The following PIK3C2B variants were observed in gnomAD, a reference collection of about 807,000 sequenced individuals.
PIK3C2B encodes phosphatidylinositol-4-phosphate 3-kinase catalytic subunit type 2 beta, also known as phosphatidylinositol 4-phosphate 3-kinase C2 domain-containing subunit beta.
A neutral mutation model predicts 184.3 loss-of-function variants in PIK3C2B; 83 were observed. That is an observed-to-expected ratio of 0.45 (90% CI 0.38 to 0.54). The LOEUF (loss-of-function observed/expected upper bound fraction) is 0.54. Among genes scored for constraint, PIK3C2B ranks in the 20% least tolerant of loss-of-function variants. The pLI is 0.00. For missense variants in PIK3C2B, 1,736 were observed against 2,113.5 expected, an observed-to-expected ratio of 0.82 and a Z score of 3.50; for synonymous variants, 779 against 837.6, an observed-to-expected ratio of 0.93 and a Z score of 1.21.
At chr1:204,454,599 C>T (rs1654666024) in intron 12 of PIK3C2B, 70 bp downstream of exon 12, 2 of 1,551,906 alleles carry the variant, frequency 1.3e-6, no homozygotes, top group East Asian at 2.2e-5. Context: ...GTTATCTGGC[C>T]CCAGGGATAT....
At chr1:204,465,672 G>A (rs1317619129) in intron 2 of PIK3C2B, among the ~76,000 whole-genome samples, 2 of 152,202 alleles carry the variant, frequency 1.3e-5, no homozygotes, top group East Asian at 1.9e-4. Flanking sequence ...TCCCAGAGGC[G>A]TGACAGGGAG....
intron 11 of PIK3C2B, 89 bp from the exon 12 acceptor site, chr1:204,454,880 C>G: frequency 7.0e-7 from 1 of 1,436,130 alleles, no homozygotes; most frequent in South Asian, 1.3e-5. Context: ...AAATCCATTT[C>G]CCCTGGTAAA....
chr1:204,474,415 G>A (rs1291116073), intron 1 of PIK3C2B, among the ~76,000 whole-genome samples: 1 of 152,060 alleles, frequency 6.6e-6, no homozygotes, highest in Non-Finnish European at 1.5e-5. Context: ...GTAATCTGGT[G>A]TCTGCCCCCC....
At chr1:204,483,419 C>T (rs973016688) in intron 1 of PIK3C2B, among the ~76,000 whole-genome samples, 1 of 151,752 alleles carries the variant, frequency 6.6e-6, no homozygotes, top group African/African-American at 2.4e-5. Context: ...CTTCAGAAGC[C>T]TTCCCTGGTT....
At chr1:204,442,053 G>A (rs1034285890) in intron 20 of PIK3C2B, among the ~76,000 whole-genome samples, 6 of 152,068 alleles carry the variant, frequency 3.9e-5, no homozygotes, top group Non-Finnish European at 8.8e-5. Flanking sequence ...CATCATCAGA[G>A]AAAGACACCT....
At chr1:204,486,177 C>T (rs1324300638) in intron 1 of PIK3C2B, among the ~76,000 whole-genome samples, 3 of 152,128 alleles carry the variant, frequency 2.0e-5, no homozygotes, top group Middle Eastern at 3.4e-3. Context: ...GGGCGGATCA[C>T]CAGAGGTCGG....
chr1:204,457,676 C>G, intron 9 of PIK3C2B, 52 bp downstream of exon 9: 2 of 1,531,206 alleles, frequency 1.3e-6, no homozygotes, highest in Non-Finnish European at 1.8e-6. Context: ...ACTCAGTTAC[C>G]TGACAGTATC....
At chr1:204,452,451 G>T (rs949180756) in intron 12 of PIK3C2B, among the ~76,000 whole-genome samples, 36 of 148,336 alleles carry the variant, frequency 2.4e-4, no homozygotes, top group African/African-American at 8.7e-4. Flanking sequence ...CTAATTTTTT[G>T]TATTTTTTGT....
At chr1:204,450,347 ATGT>A in intron 12 of PIK3C2B, among the ~76,000 whole-genome samples, 1 of 152,280 alleles carries the variant, frequency 6.6e-6, no homozygotes, top group South Asian at 2.1e-4. Context: ...GACACGTCCC[ATGT>A]TGTCAGCCTT....
chr1:204,430,247 T>C (rs1558230395), intron 28 of PIK3C2B, among the ~76,000 whole-genome samples: 1 of 152,138 alleles, frequency 6.6e-6, no homozygotes, highest in African/African-American at 2.4e-5. Flanking sequence ...CATGACTACA[T>C]TTCCAAGGGC....
chr1:204,429,208 A>T (rs1284058594), intron 29 of PIK3C2B, among the ~76,000 whole-genome samples: 1 of 152,220 alleles, frequency 6.6e-6, no homozygotes, highest in Non-Finnish European at 1.5e-5. Flanking sequence ...AGACTGAATG[A>T]CAGGGCAAGA....
At chr1:204,489,738 T>C (rs913871208) in intron 1 of PIK3C2B, 40 of 393,926 alleles carry the variant, frequency 1.0e-4, no homozygotes, top group African/African-American at 7.4e-4. Context: ...TAGGGAGACG[T>C]CAATAGTTGA....
chr1:204,468,412 C>T (rs992650436), intron 2 of PIK3C2B, among the ~76,000 whole-genome samples: 3 of 151,944 alleles, frequency 2.0e-5, no homozygotes, highest in Non-Finnish European at 2.9e-5. Flanking sequence ...GTCTGGCATT[C>T]AGTGGGCACT....
In PIK3C2B at chr1:204,432,346, T is replaced by G; in HGVS notation, c.4009A>C (p.Asn1337His). 1 of 1,614,060 alleles carries G rather than the reference T, an allele frequency of 6.2e-7. No homozygotes were observed. Among genetic ancestry groups the G allele is most frequent in the Non-Finnish European group, 8.5e-7 (1 of 1,180,012 alleles). ...VATKLNFFIH[N>H]LAQMKFTGSD... ...CCCGTGAACTTCATCTGAGCCAGAT[T>G]ATGGATGAAAAAATTGAGCTTTGTG... Residue 1337 changes from asparagine (N) to histidine (H), a missense_variant, in exon 27 of 33, where the codon AAT becomes CAT. Physicochemically the swap from Asn to His is moderately conservative, Grantham distance 68. Coordinates refer to ENST00000684373, the MANE Select transcript of PIK3C2B (RefSeq NM_001377334.1).
chr1:204,438,061 T>A (rs1416611846), intron 23 of PIK3C2B, among the ~76,000 whole-genome samples: 5 of 152,210 alleles, frequency 3.3e-5, no homozygotes, highest in Admixed American at 3.3e-4. Flanking sequence ...TTTAAGATCA[T>A]CTAATTACAC....
At position 204,424,573 on chromosome 1, in the gene PIK3C2B, T is replaced by A; in HGVS notation, c.*279A>T. The A allele has an allele frequency of 2.1e-6, 1 of 484,042 alleles. No individual in the cohort carries two copies. Among genetic ancestry groups the A allele is most frequent in the Non-Finnish European group, 3.9e-6 (1 of 253,574 alleles). 30.0% of individuals were successfully genotyped at this position (484,042 alleles called of 1,614,324 possible). A position where few individuals can be genotyped will look rare whatever the true frequency, so the allele number is the denominator to read the frequency against. On this transcript the variant is annotated 3_prime_UTR_variant, in exon 33 of 33. Coordinates refer to ENST00000684373, the MANE Select transcript of PIK3C2B (RefSeq NM_001377334.1). ...CCCCACACACTCCCCAAACCAAGCA[T>A]TGCTCCCTTGACACAAGGTAAACTT...
chr1:204,454,755 A>C lies in PIK3C2B; in HGVS notation c.1980T>G (p.His660Gln). The change falls in exon 12 of 33, where the codon CAT (histidine) becomes CAG (glutamine). Residue 660 changes from histidine to glutamine, a missense_variant. His to Gln is a conservative substitution (Grantham distance 24). This residue lies in a region of PIK3C2B where 609 missense variants were observed against 699.2 expected (regional missense o/e 0.87). Transcript: ENST00000684373. Reference sequence around the variant, plus strand: ...GGGGGCTGCACAGCTCCTTGCCGCCATGGCTGAGGGAGCAGGAGAGGTAGA... The same window carrying C: ...GGGGGCTGCACAGCTCCTTGCCGCCCTGGCTGAGGGAGCAGGAGAGGTAGA... ...EDFYLSCSLS[H>Q]GGKELCSPLQ... is the part of the protein sequence containing the mutation. 1 of 1,613,582 alleles carries C rather than the reference A, an allele frequency of 6.2e-7. No homozygotes were observed. The highest frequency in any genetic ancestry group is 8.5e-7 in the Non-Finnish European group (1 of 1,180,000).
intron 1 of PIK3C2B, among the ~76,000 whole-genome samples, chr1:204,487,468 G>T (rs1016641815): frequency 6.6e-5 from 10 of 152,164 alleles, no homozygotes; most frequent in African/African-American, 1.9e-4. Context: ...TTTACACGAA[G>T]TACATGCTCC....
chr1:204,444,984 A>G (rs938450395), intron 16 of PIK3C2B, among the ~76,000 whole-genome samples: 3 of 152,212 alleles, frequency 2.0e-5, no homozygotes, highest in African/African-American at 7.2e-5. Flanking sequence ...AGAAATAAGC[A>G]GGAAATCCTG....
Sources: allele counts gnomAD v4.1 joint callset (sites outside exome capture counted in the v4.1 genomes callset), GRCh38; gene constraint gnomAD v4.1.1; regional missense constraint gnomAD v4.1.1; transcripts MANE v1.5; gene names NCBI Gene and HGNC (gene_info 2026-07-23, HGNC 2026-07-21).